Variants in ANK1 observed in about 807,000 individuals in gnomAD.
The protein encoded by ANK1 is ankyrin 1, also known as ankyrin-1.
In ANK1, 51 loss-of-function variants were observed where a neutral mutation model predicts 210.4. The ratio of observed to expected loss-of-function variants is 0.24; its 90% confidence interval spans 0.19 to 0.31. The LOEUF is 0.31. Among genes scored for constraint, ANK1 ranks in the 10% least tolerant of loss-of-function variants. The pLI is 1.00. For missense variants in ANK1, 2,051 were observed against 2,504.4 expected, an observed-to-expected ratio of 0.82 and a Z score of 3.86; for synonymous variants, 967 against 1,025.9, an observed-to-expected ratio of 0.94 and a Z score of 1.10.
intron 6 of ANK1, among the ~76,000 whole-genome samples, 162 bp from the exon 7 acceptor site, chr8:41,724,716 T>C (rs1830225877): frequency 6.6e-6 from 1 of 152,184 alleles, no homozygotes; most frequent in African/African-American, 2.4e-5. Flanking sequence ...AGAGGCTTTA[T>C]GGCACAGTGT....
intron 1 of ANK1, among the ~76,000 whole-genome samples, chr8:41,766,941 C>T (rs1290392734): frequency 1.3e-5 from 2 of 152,114 alleles, no homozygotes; most frequent in Non-Finnish European, 1.5e-5. Context: ...TCTCCCACCC[C>T]CTGCTGAATC....
At position 41,776,383 on chromosome 8, in the gene ANK1, C is replaced by A. The variant is rs1272709173; in HGVS notation, c.28-18246G>T. 2.6e-5 allele frequency among the ~76,000 whole-genome samples: 4 copies of A among 152,074 alleles called. 1 individual carries two copies. In the East Asian group the frequency reaches 7.7e-4, roughly 29 times the overall value. On this transcript the variant is annotated intron_variant, in intron 1 of 42. Coordinates refer to ENST00000289734, the MANE Select transcript of ANK1 (RefSeq NM_000037.4). ...GCGGGGATCTGTCCTTTCCAAGAGC[C>A]ATGGAGAAATGGGGAGGCCTTGAAT...
chr8:41,677,750 C>T (rs573686304), intron 37 of ANK1, among the ~76,000 whole-genome samples: 38 of 151,844 alleles, frequency 2.5e-4, no homozygotes, highest in African/African-American at 6.5e-4. Flanking sequence ...CCACCATACA[C>T]GGCTAATTTT....
intron 1 of ANK1, among the ~76,000 whole-genome samples, chr8:41,890,266 C>T (rs368470603): frequency 3.3e-5 from 5 of 152,196 alleles, no homozygotes; most frequent in Non-Finnish European, 5.9e-5. Flanking sequence ...TTCATGCACA[C>T]GTAGCTGATA....
intron 1 of ANK1, among the ~76,000 whole-genome samples, chr8:41,863,921 C>T (rs983226954): frequency 4.6e-5 from 7 of 152,180 alleles, no homozygotes; most frequent in African/African-American, 1.7e-4. Flanking sequence ...ATGAATGAGG[C>T]TGCTGCACGT....
chr8:41,734,654 G>A (rs1832990452), intron 2 of ANK1, among the ~76,000 whole-genome samples: 1 of 152,122 alleles, frequency 6.6e-6, no homozygotes, highest in African/African-American at 2.4e-5. Context: ...CGCTTTGGGA[G>A]GCTGAAGCAG....
chr8:41,831,201 C>T (rs184388898), intron 1 of ANK1, among the ~76,000 whole-genome samples: 56 of 152,296 alleles, frequency 3.7e-4, no homozygotes, highest in Non-Finnish European at 6.8e-4. Context: ...ATCTGTAAAA[C>T]CGAAAGCCCC....
At chr8:41,699,906 A>G (rs964640484) in intron 22 of ANK1, among the ~76,000 whole-genome samples, 12 of 152,266 alleles carry the variant, frequency 7.9e-5, no homozygotes, top group African/African-American at 2.9e-4. Context: ...CACCAACAGA[A>G]GAATAAATTA....
At chr8:41,779,843 G>T (rs190032844) in intron 1 of ANK1, among the ~76,000 whole-genome samples, 2 of 152,162 alleles carry the variant, frequency 1.3e-5, no homozygotes, top group Admixed American at 1.3e-4. Context: ...GAGCCAAGTC[G>T]GCCACCGCAA....
Position 41,661,581 on chromosome 8 carries a change from A to G in ANK1, c.5545-17T>C. 6.2e-7 allele frequency: 1 copy of G among 1,613,702 alleles called. No individual in the cohort carries two copies. Among genetic ancestry groups the G allele is most frequent in the South Asian group, 1.1e-5 (1 of 91,086 alleles). On this transcript the variant is annotated splice_polypyrimidine_tract_variant and intron_variant, in intron 41 of 42. Transcript: ENST00000289734. ...CAGCTCCACCTGCAGACAGCAGCAG[A>G]GACAGAAAGCAGGACAGATCGCAAA...
At chr8:41,894,405 T>G (rs1820041891) in intron 1 of ANK1, among the ~76,000 whole-genome samples, 1 of 151,038 alleles carries the variant, frequency 6.6e-6, no homozygotes, top group African/African-American at 2.4e-5. Context: ...AAAAAAGAAA[T>G]GAGGTTTACT....
chr8:41,754,385 A>G (rs1308653867), intron 2 of ANK1, among the ~76,000 whole-genome samples: 1 of 152,258 alleles, frequency 6.6e-6, no homozygotes, highest in East Asian at 1.9e-4. Context: ...GACACAGTCT[A>G]TACAACAAGG....
At chr8:41,878,999 A>C (rs552185866) in intron 1 of ANK1, among the ~76,000 whole-genome samples, 1 of 152,168 alleles carries the variant, frequency 6.6e-6, no homozygotes, top group South Asian at 2.1e-4. Context: ...GGGAGGTGGA[A>C]GTTGCAGTGA....
chr8:41,859,247 G>C (rs1269625386), intron 1 of ANK1, among the ~76,000 whole-genome samples: 1 of 152,246 alleles, frequency 6.6e-6, no homozygotes, highest in Non-Finnish European at 1.5e-5. Flanking sequence ...GGGGCCAACG[G>C]CACCTACGGG....
chr8:41,722,050 G>A (rs899629515), intron 9 of ANK1, among the ~76,000 whole-genome samples: 10 of 152,186 alleles, frequency 6.6e-5, no homozygotes, highest in Admixed American at 3.3e-4. Context: ...TAGCTGAGGA[G>A]TTTTACTTTT....
intron 3 of ANK1, among the ~76,000 whole-genome samples, chr8:41,730,223 C>A (rs1255546142): frequency 3.9e-5 from 6 of 152,162 alleles, no homozygotes; most frequent in Non-Finnish European, 7.3e-5. Context: ...CCCCGCTTCC[C>A]CGGGTCAGGG....
rs1805361522 is a variant in ANK1 at position 41,655,529 on chromosome 8, C to G, written c.*261G>C. 2 of 633,116 alleles carry G rather than the reference C, an allele frequency of 3.2e-6. No homozygotes were observed. The highest frequency in any genetic ancestry group is 3.6e-5 in the African/African-American group (2 of 55,022). 39.2% of individuals were successfully genotyped at this position (633,116 alleles called of 1,614,324 possible). A position where few individuals can be genotyped will look rare whatever the true frequency, so the allele number is the denominator to read the frequency against. On this transcript the variant is annotated 3_prime_UTR_variant, in exon 43 of 43. Coordinates refer to ENST00000289734, the MANE Select transcript of ANK1 (RefSeq NM_000037.4). ...TTCTTGCTGCTTTTGTGTCCTGGTT[C>G]CGACAGATCAGCTGTCATTGCAAGA...
Position 41,797,115 on chromosome 8 carries a change from G to A in ANK1, c.27+397C>T, listed in dbSNP as rs766454580. Among the ~76,000 whole-genome samples the A allele has an allele frequency of 3.3e-5, 5 of 152,132 alleles. No homozygotes were observed. The highest frequency in any genetic ancestry group is 1.9e-4 in the East Asian group (1 of 5,166). On this transcript the variant is annotated intron_variant, in intron 1 of 42. Coordinates refer to ENST00000289734, the MANE Select transcript of ANK1 (RefSeq NM_000037.4). The surrounding 1 kb of genome is among the most constrained non-coding windows in gnomAD (Gnocchi z 4.0). ...GCCCCCTAGCCGGGTGGCCCACCCC[G>A]CAGCCTGTAATAACACACCTACAAA...
chr8:41,878,390 C>A (rs1457512461), intron 1 of ANK1, among the ~76,000 whole-genome samples: 3 of 152,216 alleles, frequency 2.0e-5, no homozygotes, highest in Non-Finnish European at 2.9e-5. Flanking sequence ...GTGGAAGGAA[C>A]AGGAGTAGCC....
Sources: allele counts gnomAD v4.1 joint callset (sites outside exome capture counted in the v4.1 genomes callset), GRCh38; gene constraint gnomAD v4.1.1; non-coding constraint Gnocchi (gnomAD v3.1); transcripts MANE v1.5; gene names NCBI Gene and HGNC (gene_info 2026-07-23, HGNC 2026-07-21).